The following MCM5 variants were observed in gnomAD, a reference collection of about 807,000 sequenced individuals.
The protein encoded by MCM5 is minichromosome maintenance complex component 5.
In MCM5, 46 loss-of-function variants were observed where a neutral mutation model predicts 79.9. The observed-to-expected ratio is 0.58, with a 90% confidence interval of 0.45 to 0.74. The LOEUF is 0.74. Among genes scored for constraint, MCM5 ranks in the 30% least tolerant of loss-of-function variants. The probability of loss-of-function intolerance (pLI) is 0.00; values close to 1 mark genes in which losing one functional copy is unlikely to be tolerated. For missense variants in MCM5, 883 were observed against 1,017.0 expected, an observed-to-expected ratio of 0.87 and a Z score of 1.79; for synonymous variants, 404 against 390.5, an observed-to-expected ratio of 1.03 and a Z score of -0.41.
intron 8 of MCM5, 88 bp downstream of exon 8, chr22:35,412,769 C>T: frequency 8.6e-7 from 1 of 1,158,296 alleles, no homozygotes; most frequent in Middle Eastern, 2.2e-4. Flanking sequence ...GGACTGGGCA[C>T]TCTTTTTTGT....
At chr22:35,400,711 G>A (rs1055402684) in intron 2 of MCM5, 106 bp downstream of exon 2, 6 of 1,275,782 alleles carry the variant, frequency 4.7e-6, no homozygotes, top group Non-Finnish European at 5.3e-6. Context: ...GGGCCCAGAC[G>A]GGGGAAAGAG....
At chr22:35,400,793 C>T (rs1234703139) in intron 2 of MCM5, among the ~76,000 whole-genome samples, 188 bp downstream of exon 2, 1 of 152,090 alleles carries the variant, frequency 6.6e-6, no homozygotes, top group Non-Finnish European at 1.5e-5. Context: ...TTTTGTTTTA[C>T]TTTATTTTAT....
At chr22:35,431,534 G>A in the MCM5 span, among the ~76,000 whole-genome samples, 3 of 152,114 alleles carry the variant, frequency 2.0e-5, no homozygotes, top group Non-Finnish European at 2.9e-5. Context: ...CTCTCTGACC[G>A]TCCCCAGCCA....
intron 2 of MCM5, chr22:35,401,550 G>GT: frequency 4.3e-6 from 2 of 468,232 alleles, no homozygotes; most frequent in South Asian, 3.1e-5. Flanking sequence ...AGAACATGAG[G>GT]TTGCAGGTTC....
Position 35,423,204 on chromosome 22 carries a change from A to G in MCM5, c.1976-10A>G. On this transcript the variant is annotated splice_polypyrimidine_tract_variant and intron_variant, in intron 15 of 16. Transcript: ENST00000216122. ...AGCTCCCCGGCTGCCTCACTTCTCCATGCCCACAGGGGTGGAGGGCTTCAC... is the reference window on the plus strand; with the variant it reads ...AGCTCCCCGGCTGCCTCACTTCTCCGTGCCCACAGGGGTGGAGGGCTTCAC... 1 of 1,553,274 alleles carries G rather than the reference A, an allele frequency of 6.4e-7. No individual in the cohort carries two copies.
Position 35,415,856 on chromosome 22 carries a change from G to A in MCM5, c.1231G>A (p.Ala411Thr), listed in dbSNP as rs373017001. 2.4e-5 allele frequency: 39 copies of A among 1,613,674 alleles called. No homozygotes were observed. The highest frequency in any genetic ancestry group is 2.9e-5 in the Non-Finnish European group (34 of 1,180,006). ...ATACACGTCTGGGAAAGGCAGCAGC[G>A]CAGCTGGACTGACAGCCTCGGTGAT... ...GVYTSGKGSS[A>T]AGLTASVMRD... is the part of the protein sequence containing the mutation. Residue 411 changes from alanine to threonine, a missense_variant, in exon 10 of 17, where the codon GCA becomes ACA. By Grantham distance (58) the Ala-to-Thr change is moderately conservative. Around this residue, in one of 3 missense-constraint regions of MCM5, gnomAD observed 426 missense variants for 482.3 expected, o/e 0.88. Coordinates refer to ENST00000216122, the MANE Select transcript of MCM5 (RefSeq NM_006739.4).
At chr22:35,427,919 A>T (rs548079061), downstream of MCM5, among the ~76,000 whole-genome samples, 65 of 152,004 alleles carry the variant, frequency 4.3e-4, no homozygotes, top group African/African-American at 1.4e-3. Context: ...TCATTCCTGT[A>T]ATCCCAGCAC....
the MCM5 span, among the ~76,000 whole-genome samples, chr22:35,442,432 C>T: frequency 6.6e-6 from 1 of 152,040 alleles, no homozygotes; most frequent in African/African-American, 2.4e-5. Flanking sequence ...TATTCTCTTA[C>T]GGTTCTGGAG....
At chr22:35,445,240 C>T in the MCM5 span, among the ~76,000 whole-genome samples, 1 of 151,872 alleles carries the variant, frequency 6.6e-6, no homozygotes, top group African/African-American at 2.4e-5. Context: ...GCTCCTGACA[C>T]GGACCCTGGC....
chr22:35,424,629 C>G lies in MCM5; in HGVS notation c.*374C>G, dbSNP rs133434. 15,679 of 177,462 alleles carry G rather than the reference C, an allele frequency of 0.088. 794 individuals carry two copies. Among genetic ancestry groups the G allele is most frequent in the South Asian group, 0.16 (884 of 5,534 alleles). 11.0% of individuals were successfully genotyped at this position (177,462 alleles called of 1,614,324 possible). A position where few individuals can be genotyped will look rare whatever the true frequency, so the allele number is the denominator to read the frequency against. On this transcript the variant is annotated 3_prime_UTR_variant, in exon 17 of 17. Transcript: ENST00000216122. ...TGACTTGGATCTGCCACTCAGACTT[C>G]TGGGTAAGTCACGTGACTTGAGTGC...
At chr22:35,437,666 G>A in the MCM5 span, among the ~76,000 whole-genome samples, 2 of 152,186 alleles carry the variant, frequency 1.3e-5, no homozygotes, top group Non-Finnish European at 2.9e-5. Context: ...AAAGAAGACG[G>A]GTTACAGAAA....
chr22:35,400,493 G>T lies in MCM5; in HGVS notation c.55G>T (p.Ala19Ser). 6.2e-7 allele frequency: 1 copy of T among 1,614,090 alleles called. No homozygotes were observed. Among genetic ancestry groups the T allele is most frequent in the South Asian group, 1.1e-5 (1 of 91,086 alleles). Residue 19 changes from alanine (A) to serine (S), a missense_variant, in exon 2 of 17, where the codon GCC (alanine) becomes TCC (serine). This residue lies in a region of MCM5 where 455 missense variants were observed against 517.5 expected (regional missense o/e 0.88). Transcript: ENST00000216122. ...CTACAGCGACAGCTTCGGGGGCGAC[G>T]CCCAGGCCGACGAGGGGCAGGCCCG... ...IFYSDSFGGD[A>S]QADEGQARKS... is the part of the protein sequence containing the mutation.
At chr22:35,406,476 C>A in intron 4 of MCM5, 77 bp from the exon 5 acceptor site, 1 of 1,398,072 alleles carries the variant, frequency 7.2e-7, no homozygotes, top group Non-Finnish European at 9.9e-7. Flanking sequence ...AGGCTCCTGC[C>A]CAGGATATTT....
At chr22:35,449,957 C>CT in the MCM5 span, among the ~76,000 whole-genome samples, 74 of 152,100 alleles carry the variant, frequency 4.9e-4, no homozygotes, top group African/African-American at 1.7e-3. Context: ...AATTAAAAAT[C>CT]TTTTTTTGTA....
chr22:35,409,321 C>A (rs935591270), intron 6 of MCM5, among the ~76,000 whole-genome samples: 9 of 152,282 alleles, frequency 5.9e-5, no homozygotes, highest in African/African-American at 2.2e-4. Flanking sequence ...TGCCTGTAAT[C>A]CCAGCACTTG....
At chr22:35,409,078 T>C (rs1932301404) in intron 6 of MCM5, among the ~76,000 whole-genome samples, 1 of 152,184 alleles carries the variant, frequency 6.6e-6, no homozygotes, top group African/African-American at 2.4e-5. Flanking sequence ...TTCTCCGGCC[T>C]CAGCCTCCCG....
chr22:35,403,947 A>C (rs545841681), intron 4 of MCM5, among the ~76,000 whole-genome samples: 2 of 151,494 alleles, frequency 1.3e-5, no homozygotes, highest in South Asian at 2.1e-4. Context: ...AAAACAAAAA[A>C]AAAACAAAAA....
chr22:35,410,633 G>T (rs746819436), intron 6 of MCM5, 111 bp from the exon 7 acceptor site: 85 of 1,073,182 alleles, frequency 7.9e-5, no homozygotes, highest in South Asian at 4.5e-4. Context: ...TGGTGCCTGT[G>T]GCAAAAATGC....
At chr22:35,437,064 T>A in the MCM5 span, among the ~76,000 whole-genome samples, 2 of 152,196 alleles carry the variant, frequency 1.3e-5, no homozygotes, top group Non-Finnish European at 1.5e-5. Flanking sequence ...ACTTCTGACT[T>A]CTGGGCAGGT....
Sources: gnomAD v4.1 joint callset for allele counts (sites outside exome capture counted in the v4.1 genomes callset) on GRCh38, gnomAD v4.1.1 for gene constraint, gnomAD v4.1.1 regional missense constraint, MANE v1.5 for transcripts, NCBI Gene and HGNC (gene_info 2026-07-23, HGNC 2026-07-21) for gene names.